Variants in SLC25A37 observed in about 807,000 individuals in gnomAD.
The protein encoded by SLC25A37 is solute carrier family 25 member 37, also known as mitoferrin-1.
SLC25A37 carries 17 observed loss-of-function variants against 31.0 expected under a neutral mutation model. The observed-to-expected ratio is 0.55, with a 90% CI of 0.38 to 0.82. SLC25A37 has a LOEUF of 0.82. Among genes scored for constraint, SLC25A37 ranks in the 40% least tolerant of loss-of-function variants. The probability of loss-of-function intolerance (pLI) is 0.00; values close to 1 mark genes in which losing one functional copy is unlikely to be tolerated. For missense variants in SLC25A37, 404 were observed against 465.8 expected (o/e 0.87, Z 1.22); for synonymous variants, 222 against 193.0 (o/e 1.15, Z -1.24).
intron 1 of SLC25A37, among the ~76,000 whole-genome samples, chr8:23,550,748 G>T (rs1802201336): frequency 6.6e-6 from 1 of 152,370 alleles, no homozygotes; most frequent in East Asian, 1.9e-4. Context: ...TACAGTTTGG[G>T]GAGCACTGCT....
rs1027202316 is a variant in SLC25A37, at chr8:23,566,772, A to G, written c.439+436A>G. 18 of 992,112 alleles carry G rather than the reference A, an allele frequency of 1.8e-5. No individual in the cohort carries two copies. In the African/African-American group the frequency reaches 3.1e-4, roughly 17 times the overall value. The allele number at this position is 992,112 out of a possible 1,614,324, so 61.5% of individuals were successfully genotyped here. A position where few individuals can be genotyped will look rare whatever the true frequency, so the allele number is the denominator to read the frequency against. On this transcript the variant is annotated intron_variant, in intron 2 of 3. Transcript: ENST00000519973. Reference sequence around the variant, plus strand: ...TTTGAGACTATTTAAAAACTGGTACAACAGGTCTCTACAACGCCAAGATCT... The same window carrying G: ...TTTGAGACTATTTAAAAACTGGTACGACAGGTCTCTACAACGCCAAGATCT...
At position 23,542,078 on chromosome 8, in the gene SLC25A37, T is replaced by A. The variant is rs113448535; in HGVS notation, c.210+12866T>A. Among the ~76,000 whole-genome samples, 301 of 152,294 alleles carry A rather than the reference T, an allele frequency of 2.0e-3. 1 individual carries two copies. Among genetic ancestry groups the A allele is most frequent in the African/African-American group, 6.9e-3 (287 of 41,558 alleles). On this transcript the variant is annotated intron_variant, in intron 1 of 3. Transcript: ENST00000519973. ...CCTGCCCTTCATTGAATGACTGAATTACAGTCAGCACCACATAACGATGTT... is the reference window on the plus strand; with the variant it reads ...CCTGCCCTTCATTGAATGACTGAATAACAGTCAGCACCACATAACGATGTT...
chr8:23,546,533 ATATATATATATATATATATAGTG>A (rs1418303554), intron 1 of SLC25A37, among the ~76,000 whole-genome samples: 5,067 of 15,924 alleles, frequency 0.32, 233 homozygotes, highest in South Asian at 0.48. Context: ...ATATAGGTGT[ATATATATATATATATATATAGTG>A]TATATATATA....
chr8:23,555,424 A>G (rs1403424586), intron 1 of SLC25A37, among the ~76,000 whole-genome samples: 2 of 152,044 alleles, frequency 1.3e-5, no homozygotes, highest in African/African-American at 4.8e-5. Context: ...ACCCTATAGC[A>G]CATCCTGCTG....
chr8:23,562,192 C>T (rs941982774), intron 1 of SLC25A37, among the ~76,000 whole-genome samples: 2 of 152,352 alleles, frequency 1.3e-5, no homozygotes, highest in South Asian at 2.1e-4. Flanking sequence ...GTGGGGGCCT[C>T]TCCCCTGAAG....
Position 23,574,609 on chromosome 8 carries a change from T to C in SLC25A37, c.*2754T>C. On this transcript the variant is annotated 3_prime_UTR_variant, in exon 4 of 4. Transcript: ENST00000519973. ...AGGAGGTTGAGAAAAGCCTTGAAAGTTGTGAAGCACTGAGCAGATACAAGT... is the reference window on the plus strand; with the variant it reads ...AGGAGGTTGAGAAAAGCCTTGAAAGCTGTGAAGCACTGAGCAGATACAAGT... 3.2e-5 allele frequency: 5 copies of C among 154,998 alleles called. No individual in the cohort carries two copies. The Middle Eastern group carries it at 2.6e-3, about 80-fold the overall frequency. The allele number at this position is 154,998 out of a possible 1,614,324, so 9.6% of individuals were successfully genotyped here.
At chr8:23,563,262 C>T (rs1802563860) in intron 1 of SLC25A37, among the ~76,000 whole-genome samples, 1 of 152,228 alleles carries the variant, frequency 6.6e-6, no homozygotes, top group Non-Finnish European at 1.5e-5. Flanking sequence ...ACATAGCTCA[C>T]TGCAGCCTCA....
chr8:23,570,090 C>CGG (rs1802779979), intron 3 of SLC25A37, among the ~76,000 whole-genome samples: 1 of 151,956 alleles, frequency 6.6e-6, no homozygotes, highest in Non-Finnish European at 1.5e-5. Context: ...GGGAGGTGGG[C>CGG]GGGGAGTCTC....
At position 23,572,002 on chromosome 8, in the gene SLC25A37, G is replaced by A. The variant is rs558864757; in HGVS notation, c.*147G>A. 8 of 889,160 alleles carry A rather than the reference G, an allele frequency of 9.0e-6. No homozygotes were observed. The East Asian group carries it at 1.6e-4, about 18-fold the overall frequency. 55.1% of individuals were successfully genotyped at this position (889,160 alleles called of 1,614,324 possible). On this transcript the variant is annotated 3_prime_UTR_variant, in exon 4 of 4. Transcript: ENST00000519973. The stretch of plus-strand genomic sequence containing the variant: ...CAATGCCTTAGAGAGAGGAGGGGAC[G>A]GCACGGCCGCTCACCGGAAGGCTGT...
At chr8:23,534,292 C>T (rs1433508919) in intron 1 of SLC25A37, among the ~76,000 whole-genome samples, 2 of 152,100 alleles carry the variant, frequency 1.3e-5, no homozygotes, top group African/African-American at 2.4e-5. Flanking sequence ...CCTAAAGTTC[C>T]CTCAACCTTC....
intron 1 of SLC25A37, chr8:23,541,700 G>C (rs751641221): frequency 7.9e-5 from 12 of 152,336 alleles, no homozygotes; most frequent in Non-Finnish European, 1.6e-4. Context: ...GATACGCAGT[G>C]CTCCCCTCCC....
In SLC25A37 at chr8:23,529,582, G is replaced by T. The variant is rs1801622769; in HGVS notation, c.210+370G>T. Among the ~76,000 whole-genome samples the T allele has an allele frequency of 6.6e-6, 1 of 152,180 alleles. No homozygotes were observed. Among genetic ancestry groups the T allele is most frequent in the African/African-American group, 2.4e-5 (1 of 41,462 alleles). ...CAGTCTTACCACGCTGGCCGTTCGG[G>T]CTGGCTGGGGCCGCCCACACGTGCG... On this transcript the variant is annotated intron_variant, in intron 1 of 3. Transcript: ENST00000519973. The surrounding 1 kb of genome is among the most constrained non-coding windows in gnomAD (Gnocchi z 4.1).
intron 3 of SLC25A37, among the ~76,000 whole-genome samples, chr8:23,569,842 C>T (rs948656187): frequency 4.6e-5 from 7 of 152,206 alleles, no homozygotes; most frequent in Admixed American, 3.9e-4. Context: ...CATTCTCTAC[C>T]TGGCGATGGC....
intron 1 of SLC25A37, among the ~76,000 whole-genome samples, chr8:23,564,764 T>C (rs1486311968): frequency 6.6e-6 from 1 of 152,152 alleles, no homozygotes; most frequent in African/African-American, 2.4e-5. Context: ...GACAGAGACA[T>C]CTATATCCGG....
chr8:23,570,755 A>G (rs955934490), intron 3 of SLC25A37, among the ~76,000 whole-genome samples: 5 of 152,222 alleles, frequency 3.3e-5, no homozygotes, highest in Admixed American at 2.6e-4. Flanking sequence ...TACCACAGTT[A>G]GTCTCATTTG....
chr8:23,555,136 T>C (rs2928666), intron 1 of SLC25A37, among the ~76,000 whole-genome samples: 70,659 of 151,382 alleles, frequency 0.47, 16,864 homozygotes, highest in African/African-American at 0.58. Flanking sequence ...ACACCAGACC[T>C]TCCGGCCACA....
intron 2 of SLC25A37, chr8:23,566,605 T>G (rs1407294697): frequency 1.7e-6 from 2 of 1,154,992 alleles, no homozygotes; most frequent in East Asian, 8.9e-5. Flanking sequence ...GTTATGTGGG[T>G]TTTCTTTTGT....
intron 1 of SLC25A37, among the ~76,000 whole-genome samples, chr8:23,535,812 C>T (rs1033176554): frequency 2.6e-5 from 4 of 152,068 alleles, no homozygotes; most frequent in Non-Finnish European, 4.4e-5. Context: ...GGGTTTTCCC[C>T]ATATAAAATC....
intron 1 of SLC25A37, among the ~76,000 whole-genome samples, chr8:23,536,639 C>T (rs1316689203): frequency 6.6e-6 from 1 of 152,178 alleles, no homozygotes; most frequent in Non-Finnish European, 1.5e-5. Context: ...CTCCAGTTGC[C>T]TCGGAGCCTC....
Sources: gnomAD v4.1 joint callset for allele counts (sites outside exome capture counted in the v4.1 genomes callset) on GRCh38, gnomAD v4.1.1 for gene constraint, Gnocchi (gnomAD v3.1) non-coding constraint, MANE v1.5 for transcripts, NCBI Gene and HGNC (gene_info 2026-07-23, HGNC 2026-07-21) for gene names.